The following PLOD2 variants were observed in gnomAD, a reference collection of about 807,000 sequenced individuals.
PLOD2 encodes lysine hydroxylase 2.
Under a neutral mutation model 101.0 loss-of-function variants are expected in PLOD2, and 65 were observed. The observed-to-expected ratio is 0.64, with a 90% CI of 0.53 to 0.79. The LOEUF (loss-of-function observed/expected upper bound fraction) is 0.79. Ranked by LOEUF, PLOD2 falls within the 30% of genes least tolerant of loss-of-function variation. The pLI is 0.00. For missense variants in PLOD2, 909 were observed against 914.6 expected (o/e 0.99, Z 0.08); for synonymous variants, 314 against 302.9 (o/e 1.04, Z -0.38).
intron 4 of PLOD2, among the ~76,000 whole-genome samples, chr3:146,108,770 T>C (rs1937578227): frequency 6.6e-6 from 1 of 152,200 alleles, no homozygotes; most frequent in African/African-American, 2.4e-5. Flanking sequence ...GTCTGAAACC[T>C]AACCACCTGA....
chr3:146,071,045 A>G lies in PLOD2; in HGVS notation c.2118T>C (p.Phe706=). 6.2e-7 allele frequency: 1 copy of G among 1,605,982 alleles called. No homozygotes were observed. The highest frequency in any genetic ancestry group is 8.5e-7 in the Non-Finnish European group (1 of 1,173,542). The part of the protein sequence containing the change: ...NIALNNVGED[F]QGGGCKFLRY... ...AAAACACAAGAGTCATAATTACCTG[A>G]AAGTCTTCTCCCACGTTATTAAGTG... The change falls in exon 19 of 20, where the codon TTT becomes TTC. Residue 706 remains phenylalanine (F), a synonymous_variant. Transcript: ENST00000282903.
chr3:146,106,753 AT>A (rs1937541535), intron 4 of PLOD2, 109 bp from the exon 5 acceptor site: 1 of 743,594 alleles, frequency 1.3e-6, no homozygotes, highest in South Asian at 1.4e-5. Flanking sequence ...ATGAAGCCTA[AT>A]TCTTAGGCTG....
At chr3:146,088,845 G>T in intron 8 of PLOD2, 134 bp from the exon 9 acceptor site, 1 of 776,944 alleles carries the variant, frequency 1.3e-6, no homozygotes, top group Non-Finnish European at 2.1e-6. Context: ...AATTTGAATT[G>T]CTCCATGGCA....
intron 3 of PLOD2, 134 bp from the exon 4 acceptor site, chr3:146,110,582 C>T (rs956864109): frequency 5.6e-5 from 34 of 612,534 alleles, no homozygotes; most frequent in Non-Finnish European, 5.2e-5. Flanking sequence ...ACTATTTACA[C>T]AGAACACCAA....
At chr3:146,138,521 TC>T (rs1315353592) in intron 1 of PLOD2, among the ~76,000 whole-genome samples, 1 of 151,994 alleles carries the variant, frequency 6.6e-6, no homozygotes, top group African/African-American at 2.4e-5. Flanking sequence ...GGGACATCTT[TC>T]CAGTAAAAGG....
At chr3:146,147,891 T>C (rs1254868923) in intron 1 of PLOD2, among the ~76,000 whole-genome samples, 1 of 152,094 alleles carries the variant, frequency 6.6e-6, no homozygotes, top group Non-Finnish European at 1.5e-5. Flanking sequence ...CTTCTCAGAG[T>C]CAGCCAGCTG....
At chr3:146,085,027 T>G in intron 11 of PLOD2, 142 bp downstream of exon 11, 1 of 565,706 alleles carries the variant, frequency 1.8e-6, no homozygotes, top group Non-Finnish European at 3.2e-6. Flanking sequence ...GAAAAATAAT[T>G]AACTTGAATT....
At chr3:146,149,848 A>C (rs17413767) in intron 1 of PLOD2, among the ~76,000 whole-genome samples, 48,840 of 151,616 alleles carry the variant, frequency 0.32, 8,136 homozygotes, top group South Asian at 0.41. Context: ...ATTAAGTCAC[A>C]CTCTTTCCCT....
In PLOD2 at chr3:146,160,966, A is replaced by G. The variant is rs1326046932; in HGVS notation, c.24T>C (p.Pro8=). The G allele has an allele frequency of 6.3e-7, 1 of 1,594,872 alleles. No homozygotes were observed. The highest frequency in any genetic ancestry group is 1.7e-4 in the Middle Eastern group (1 of 5,964). Residue 8 remains proline (P), a synonymous_variant, in exon 1 of 20, where the codon CCT becomes CCC. Coordinates refer to ENST00000282903, the MANE Select transcript of PLOD2 (RefSeq NM_182943.3). MGGCTVK[P]QLLLLALVLH... is the part of the protein sequence containing the mutation. ...GGACGAGCGCCAGGAGCAGCAGCTG[A>G]GGCTTCACCGTGCATCCCCCCATAT...
At chr3:146,116,833 ATTT>A (rs555034145) in intron 3 of PLOD2, among the ~76,000 whole-genome samples, 1 of 152,044 alleles carries the variant, frequency 6.6e-6, no homozygotes, top group African/African-American at 2.4e-5. Flanking sequence ...AAATATCTAA[ATTT>A]TTTTATCTAA....
Position 146,081,805 on chromosome 3 carries a change from C to T in PLOD2, c.1291G>A (p.Ala431Thr). The change falls in exon 12 of 20, where the codon GCA (alanine) becomes ACA (threonine). Residue 431 changes from alanine to threonine, a missense_variant. Coordinates refer to ENST00000282903, the MANE Select transcript of PLOD2 (RefSeq NM_182943.3). ...GCATAGTATCCATCAGGACTCAATGCTCCCCAGAAATTGGACCACAGCTTT... is the reference window on the plus strand; with the variant it reads ...GCATAGTATCCATCAGGACTCAATGTTCCCCAGAAATTGGACCACAGCTTT... ...HGKLWSNFWG[A>T]LSPDGYYARS... 1 of 1,611,216 alleles carries T rather than the reference C, an allele frequency of 6.2e-7. No individual in the cohort carries two copies. The highest frequency in any genetic ancestry group is 8.5e-7 in the Non-Finnish European group (1 of 1,177,528).
chr3:146,125,936 G>T (rs907307205), intron 1 of PLOD2, among the ~76,000 whole-genome samples: 1 of 152,060 alleles, frequency 6.6e-6, no homozygotes, highest in Non-Finnish European at 1.5e-5. Context: ...TCTATTTAAA[G>T]TTACATTTCT....
intron 1 of PLOD2, among the ~76,000 whole-genome samples, chr3:146,146,836 A>C (rs1193335131): frequency 6.6e-6 from 1 of 152,148 alleles, no homozygotes; most frequent in Non-Finnish European, 1.5e-5. Context: ...GTAATTGTAT[A>C]AGCTTGTAAT....
At chr3:146,145,569 C>T (rs1029746218) in intron 1 of PLOD2, among the ~76,000 whole-genome samples, 4 of 152,014 alleles carry the variant, frequency 2.6e-5, no homozygotes, top group African/African-American at 7.2e-5. Flanking sequence ...GTTACTGTTA[C>T]GAGCAAAGAA....
At chr3:146,143,374 C>A (rs1192598985) in intron 1 of PLOD2, among the ~76,000 whole-genome samples, 4 of 151,918 alleles carry the variant, frequency 2.6e-5, no homozygotes, top group African/African-American at 7.3e-5. Flanking sequence ...TTCTAAGATG[C>A]AAAATTTTAA....
At chr3:146,080,997 A>G (rs1936521584) in intron 12 of PLOD2, among the ~76,000 whole-genome samples, 1 of 151,970 alleles carries the variant, frequency 6.6e-6, no homozygotes, top group Non-Finnish European at 1.5e-5. Flanking sequence ...TAGTCCTGAG[A>G]GTATACTGCC....
chr3:146,081,882 T>C lies in PLOD2; in HGVS notation c.1233-19A>G, dbSNP rs1026182365. On this transcript the variant is annotated intron_variant, in intron 11 of 19. Coordinates refer to ENST00000282903, the MANE Select transcript of PLOD2 (RefSeq NM_182943.3). Reference sequence around the variant, plus strand: ...GATCTTTCTAAAGACAGAGAGAGTGTGTGTGAGAGAGAGAAACCTATATAA... The same window carrying C: ...GATCTTTCTAAAGACAGAGAGAGTGCGTGTGAGAGAGAGAAACCTATATAA... 6.2e-7 allele frequency: 1 copy of C among 1,606,594 alleles called. No individual in the cohort carries two copies. The highest frequency in any genetic ancestry group is 1.3e-5 in the African/African-American group (1 of 74,874).
chr3:146,107,804 C>A (rs903188925), intron 4 of PLOD2, among the ~76,000 whole-genome samples: 1 of 151,486 alleles, frequency 6.6e-6, no homozygotes, highest in Non-Finnish European at 1.5e-5. Context: ...TCACCATGCC[C>A]GACTAATTTT....
At chr3:146,083,562 C>A (rs1936638015) in intron 11 of PLOD2, among the ~76,000 whole-genome samples, 1 of 141,972 alleles carries the variant, frequency 7.0e-6, no homozygotes, top group South Asian at 2.3e-4. Context: ...CCCCAGATGG[C>A]AGGTAAGTCT....
Sources: allele counts gnomAD v4.1 joint callset (sites outside exome capture counted in the v4.1 genomes callset), GRCh38; gene constraint gnomAD v4.1.1; transcripts MANE v1.5; gene names NCBI Gene and HGNC (gene_info 2026-07-23, HGNC 2026-07-21).